The following OTUD7A variants were observed in gnomAD, a reference collection of about 807,000 sequenced individuals.
OTUD7A encodes the protein OTU deubiquitinase 7A.
OTUD7A carries 12 observed loss-of-function variants against 65.7 expected under a neutral mutation model. The ratio of observed to expected loss-of-function variants is 0.18; its 90% CI spans 0.12 to 0.30. The LOEUF is 0.30. Ranked by LOEUF, OTUD7A falls within the 10% of genes least tolerant of loss-of-function variation. The pLI is 1.00. For synonymous variants in OTUD7A, 641 were observed against 586.3 expected (o/e 1.09, Z -1.35); for missense variants, 1,148 against 1,304.8 (o/e 0.88, Z 1.85).
intron 1 of OTUD7A, among the ~76,000 whole-genome samples, chr15:31,781,378 A>T (rs1895535196): frequency 6.6e-6 from 1 of 152,086 alleles, no homozygotes; most frequent in African/African-American, 2.4e-5. Flanking sequence ...GCTCCAGAAT[A>T]AGCCTCTGCA....
At chr15:31,857,124 C>T (rs1316500919) in intron 1 of OTUD7A, among the ~76,000 whole-genome samples, 1 of 152,194 alleles carries the variant, frequency 6.6e-6, no homozygotes, top group Non-Finnish European at 1.5e-5. Flanking sequence ...GCCTCAGCTC[C>T]CAGGCTGATT....
chr15:31,760,923 TTTTTG>T (rs1894945044), intron 1 of OTUD7A, among the ~76,000 whole-genome samples: 1 of 152,100 alleles, frequency 6.6e-6, no homozygotes, highest in African/African-American at 2.4e-5. Flanking sequence ...TTTTTGGGTT[TTTTTG>T]TTTTTTTGTT....
chr15:31,512,616 A>G (rs546221897), intron 8 of OTUD7A, among the ~76,000 whole-genome samples: 11 of 152,068 alleles, frequency 7.2e-5, no homozygotes, highest in Non-Finnish European at 1.5e-4. Context: ...TACATTTTGT[A>G]TTTGTTTTGA....
intron 1 of OTUD7A, among the ~76,000 whole-genome samples, chr15:31,829,777 C>G (rs1173180989): frequency 6.6e-6 from 1 of 152,200 alleles, no homozygotes; most frequent in Non-Finnish European, 1.5e-5. Flanking sequence ...AGAATCTAAG[C>G]AGACTCACAG....
In OTUD7A at chr15:31,483,693, G is replaced by A. The variant is rs1161755249; in HGVS notation, c.2403C>T (p.Cys801=). ...AGCGGTTCTGCTGCGGGTACGTGGC[G>A]CACGGCCGCAGCGCCCCCACGGCCG... ...CAPAVGALRP[C]ATYPQQNRSL... Residue 801 remains cysteine, a synonymous_variant, in exon 13 of 13, where the codon TGC becomes TGT. Transcript: ENST00000307050. 2 of 1,156,788 alleles carry A rather than the reference G, an allele frequency of 1.7e-6. No homozygotes were observed. Among genetic ancestry groups the A allele is most frequent in the South Asian group, 4.0e-5 (1 of 25,150 alleles). 71.7% of individuals were successfully genotyped at this position (1,156,788 alleles called of 1,614,324 possible).
intron 1 of OTUD7A, among the ~76,000 whole-genome samples, chr15:31,671,504 C>T (rs944248153): frequency 2.0e-5 from 3 of 152,068 alleles, no homozygotes; most frequent in Non-Finnish European, 4.4e-5. Context: ...GTGACACACA[C>T]GTTTAAAAGG....
At chr15:31,589,270 A>G (rs1595633266) in intron 3 of OTUD7A, among the ~76,000 whole-genome samples, 1 of 151,114 alleles carries the variant, frequency 6.6e-6, no homozygotes. Flanking sequence ...TAGGATCAGG[A>G]GTGACTTTTA....
intron 1 of OTUD7A, among the ~76,000 whole-genome samples, chr15:31,669,081 G>A (rs1180951122): frequency 6.6e-6 from 1 of 152,190 alleles, no homozygotes; most frequent in Non-Finnish European, 1.5e-5. Flanking sequence ...ACTCTGCAAG[G>A]ATTCTTAGCT....
intron 10 of OTUD7A, among the ~76,000 whole-genome samples, chr15:31,499,754 T>C (rs7179088): frequency 0.72 from 109,011 of 152,136 alleles, 39,403 homozygotes; most frequent in African/African-American, 0.8. Context: ...CCCAGGAGGA[T>C]CCCAGTGGGC....
chr15:31,609,501 C>T (rs1271038472), intron 3 of OTUD7A, among the ~76,000 whole-genome samples: 1 of 152,116 alleles, frequency 6.6e-6, no homozygotes, highest in Non-Finnish European at 1.5e-5. Flanking sequence ...CATAATCCTC[C>T]CAGGAACACA....
chr15:31,759,710 G>A (rs1894910022), intron 1 of OTUD7A, among the ~76,000 whole-genome samples: 1 of 152,014 alleles, frequency 6.6e-6, no homozygotes, highest in African/African-American at 2.4e-5. Context: ...CTTTTGTATA[G>A]TAGTGCAGGG....
chr15:31,859,863 C>T (rs1897675608), intron 1 of OTUD7A, among the ~76,000 whole-genome samples: 2 of 152,174 alleles, frequency 1.3e-5, no homozygotes, highest in South Asian at 4.1e-4. Flanking sequence ...AGGACAGCCG[C>T]AACTCTGAGC....
chr15:31,745,945 C>T (rs1894464182), intron 1 of OTUD7A, among the ~76,000 whole-genome samples: 1 of 152,098 alleles, frequency 6.6e-6, no homozygotes, highest in Non-Finnish European at 1.5e-5. Flanking sequence ...TGCTCAACAT[C>T]ATTAGTTATC....
chr15:31,759,074 T>C (rs1013362965), intron 1 of OTUD7A, among the ~76,000 whole-genome samples: 4 of 152,334 alleles, frequency 2.6e-5, no homozygotes, highest in South Asian at 2.1e-4. Context: ...AAGATTGCTA[T>C]AACCCTCCAC....
intron 1 of OTUD7A, among the ~76,000 whole-genome samples, chr15:31,781,675 T>C (rs1053932427): frequency 1.3e-5 from 2 of 152,156 alleles, no homozygotes; most frequent in Non-Finnish European, 2.9e-5. Context: ...GGACATGACA[T>C]AGTGATTGCA....
intron 3 of OTUD7A, among the ~76,000 whole-genome samples, chr15:31,598,654 A>G (rs574407222): frequency 1.3e-5 from 2 of 152,274 alleles, no homozygotes; most frequent in South Asian, 4.2e-4. Context: ...CCAGAGAGAC[A>G]GAACAGTTCA....
chr15:31,611,511 A>G (rs569786849), intron 3 of OTUD7A, among the ~76,000 whole-genome samples: 3 of 152,350 alleles, frequency 2.0e-5, no homozygotes, highest in Admixed American at 6.5e-5. Context: ...ACAAATGATC[A>G]TTCAAGGCTA....
rs1281726987 is a variant in OTUD7A, at chr15:31,478,186, C to T, written c.*5108G>A. 1.3e-5 allele frequency: 2 copies of T among 152,164 alleles called. No individual in the cohort carries two copies. Among genetic ancestry groups the T allele is most frequent in the Admixed American group, 6.5e-5 (1 of 15,270 alleles). 9.4% of individuals were successfully genotyped at this position (152,164 alleles called of 1,614,324 possible). A position where few individuals can be genotyped will look rare whatever the true frequency, so the allele number is the denominator to read the frequency against. ...CCTCTGCCATGGGAGGCTGTTTCTT[C>T]GTTTAAAGGAGCACTCCAGTGTCTG... On this transcript the variant is annotated 3_prime_UTR_variant, in exon 13 of 13. Coordinates refer to ENST00000307050, the MANE Select transcript of OTUD7A (RefSeq NM_001382637.1).
chr15:31,561,405 A>C (rs1485033423), intron 4 of OTUD7A, among the ~76,000 whole-genome samples: 2 of 152,194 alleles, frequency 1.3e-5, no homozygotes, highest in East Asian at 3.9e-4. Flanking sequence ...AATCTGATGG[A>C]GAGGGACATC....
Sources: gnomAD v4.1 joint callset for allele counts (sites outside exome capture counted in the v4.1 genomes callset) on GRCh38, gnomAD v4.1.1 for gene constraint, MANE v1.5 for transcripts, NCBI Gene and HGNC (gene_info 2026-07-23, HGNC 2026-07-21) for gene names.